The following ANKS1B variants were observed in gnomAD, a reference collection of about 807,000 sequenced individuals.
ANKS1B encodes the protein ankyrin repeat and sterile alpha motif domain containing 1B.
In ANKS1B, 36 loss-of-function variants were observed where a neutral mutation model predicts 148.3. The ratio of observed to expected loss-of-function variants is 0.24; its 90% confidence interval spans 0.19 to 0.32. The LOEUF is 0.32. Ranked by LOEUF, ANKS1B falls within the 10% of genes least tolerant of loss-of-function variation. ANKS1B has a pLI of 1.00. For missense variants in ANKS1B, 1,157 were observed against 1,542.6 expected (o/e 0.75, Z 4.19); for synonymous variants, 542 against 560.8 (o/e 0.97, Z 0.47).
At chr12:99,761,137 T>C (rs1332948684) in intron 8 of ANKS1B, among the ~76,000 whole-genome samples, 2 of 147,302 alleles carry the variant, frequency 1.4e-5, no homozygotes, top group East Asian at 3.9e-4. Flanking sequence ...AAAGAAGAGC[T>C]GGTATTAATT....
intron 14 of ANKS1B, among the ~76,000 whole-genome samples, chr12:99,236,101 A>G (rs1274578088): frequency 6.6e-6 from 1 of 152,228 alleles, no homozygotes; most frequent in African/African-American, 2.4e-5. Flanking sequence ...ATTCTGATGC[A>G]AGTGATTTGT....
intron 22 of ANKS1B, among the ~76,000 whole-genome samples, chr12:98,786,830 C>A (rs574728050): frequency 3.9e-5 from 6 of 152,276 alleles, no homozygotes; most frequent in African/African-American, 7.2e-5. Context: ...GGGGAGGACG[C>A]CACCAACCCT....
At chr12:99,849,003 C>CA (rs2087212735) in intron 1 of ANKS1B, among the ~76,000 whole-genome samples, 3 of 151,866 alleles carry the variant, frequency 2.0e-5, no homozygotes, top group Non-Finnish European at 1.5e-5. Context: ...GGTATACATG[C>CA]ACATAAAGAT....
Position 98,878,828 on chromosome 12 carries a change from T to G in ANKS1B, c.2779-46692A>C, listed in dbSNP as rs528986257. On this transcript the variant is annotated intron_variant, in intron 17 of 26. Coordinates refer to ENST00000683438, the MANE Select transcript of ANKS1B (RefSeq NM_001352186.2). ...GAGTGCCCCTTTGAGAGATAATGGT[T>G]CATATCAGGGAGCAATTTGCTTTCA... Among the ~76,000 whole-genome samples, 4 of 152,330 alleles carry G rather than the reference T, an allele frequency of 2.6e-5. No individual in the cohort carries two copies. In the East Asian group the frequency reaches 7.7e-4, roughly 29 times the overall value.
At chr12:99,245,646 C>T (rs900727990) in intron 13 of ANKS1B, among the ~76,000 whole-genome samples, 55 of 152,302 alleles carry the variant, frequency 3.6e-4, no homozygotes, top group African/African-American at 1.2e-3. Flanking sequence ...ACAGTCTTTT[C>T]AGAGACAATA....
intron 9 of ANKS1B, among the ~76,000 whole-genome samples, chr12:99,639,480 G>A (rs2098279352): frequency 6.6e-6 from 1 of 152,102 alleles, no homozygotes; most frequent in African/African-American, 2.4e-5. Flanking sequence ...ATATTTGGGA[G>A]GTACCAGGGG....
rs142071616 is a variant in ANKS1B, at chr12:99,660,032, C to T, written c.1129-4822G>A. ...CAGAGATGGCAATCAAAGCAAAAGG[C>T]AACAATCTGGAATGAGTTAGCAATC... On this transcript the variant is annotated intron_variant, in intron 8 of 26. Transcript: ENST00000683438. Among the ~76,000 whole-genome samples, 9 of 152,298 alleles carry T rather than the reference C, an allele frequency of 5.9e-5. No individual in the cohort carries two copies. In the East Asian group the frequency reaches 1.5e-3, roughly 26 times the overall value.
chr12:99,778,564 A>C lies in ANKS1B; in HGVS notation c.847+1307T>G, dbSNP rs185645729. Among the ~76,000 whole-genome samples, 186 of 152,198 alleles carry C rather than the reference A, an allele frequency of 1.2e-3. 1 individual carries two copies. The highest frequency in any genetic ancestry group is 4.4e-3 in the African/African-American group (184 of 41,566). On this transcript the variant is annotated intron_variant, in intron 6 of 26. Coordinates refer to ENST00000683438, the MANE Select transcript of ANKS1B (RefSeq NM_001352186.2). Reference sequence around the variant, plus strand: ...AGTCAAAAGTCCAACATGAAATACAAAGTGCATAGAGGGAGAAGACTAATA... The same window carrying C: ...AGTCAAAAGTCCAACATGAAATACACAGTGCATAGAGGGAGAAGACTAATA...
At chr12:99,000,021 C>T (rs1013698772) in intron 17 of ANKS1B, among the ~76,000 whole-genome samples, 1 of 151,946 alleles carries the variant, frequency 6.6e-6, no homozygotes, top group Non-Finnish European at 1.5e-5. Context: ...AGAATAAAGC[C>T]CAATCCCTCT....
At chr12:99,395,273 T>C (rs903981300) in intron 12 of ANKS1B, among the ~76,000 whole-genome samples, 1 of 152,178 alleles carries the variant, frequency 6.6e-6, no homozygotes, top group Non-Finnish European at 1.5e-5. Context: ...CATGTGACTT[T>C]TCTTCTGAAA....
Position 99,504,153 on chromosome 12 carries a change from G to T in ANKS1B, c.1438+323C>A, listed in dbSNP as rs569835705. Among the ~76,000 whole-genome samples the T allele has an allele frequency of 4.6e-5, 7 of 152,206 alleles. No individual in the cohort carries two copies. The East Asian group carries it at 1.4e-3, about 29-fold the overall frequency. ...GGCTACAGAAAATGATACAAAAATT[G>T]CTACCAATTGGCTGTGAACTCCTGA... On this transcript the variant is annotated intron_variant, in intron 10 of 26. Coordinates refer to ENST00000683438, the MANE Select transcript of ANKS1B (RefSeq NM_001352186.2).
At chr12:98,878,536 T>A (rs1439592176) in intron 17 of ANKS1B, among the ~76,000 whole-genome samples, 1 of 152,142 alleles carries the variant, frequency 6.6e-6, no homozygotes. Context: ...CTCTGTCTTG[T>A]TTGCTATTTT....
At chr12:99,393,028 C>T (rs1307229723) in intron 12 of ANKS1B, among the ~76,000 whole-genome samples, 1 of 152,094 alleles carries the variant, frequency 6.6e-6, no homozygotes, top group African/African-American at 2.4e-5. Flanking sequence ...CTTTTATTTT[C>T]TTATATCCTA....
intron 14 of ANKS1B, among the ~76,000 whole-genome samples, chr12:99,176,589 C>CTA (rs2078409381): frequency 6.6e-6 from 1 of 152,158 alleles, no homozygotes; most frequent in Admixed American, 6.5e-5. Flanking sequence ...GAATGTCAAA[C>CTA]TATATCATGT....
At chr12:99,605,044 T>C (rs928634014) in intron 9 of ANKS1B, among the ~76,000 whole-genome samples, 3 of 151,908 alleles carry the variant, frequency 2.0e-5, no homozygotes, top group African/African-American at 7.2e-5. Flanking sequence ...CAGACCAAAA[T>C]ACTCCAAGAA....
chr12:99,249,019 A>C (rs1248254370), intron 12 of ANKS1B, among the ~76,000 whole-genome samples: 2 of 152,176 alleles, frequency 1.3e-5, no homozygotes, highest in Admixed American at 1.3e-4. Flanking sequence ...AAGACCTGGC[A>C]TCTTGTTCCA....
intron 15 of ANKS1B, among the ~76,000 whole-genome samples, chr12:99,116,630 AT>A (rs1290689760): frequency 1.3e-5 from 2 of 152,190 alleles, no homozygotes; most frequent in African/African-American, 2.4e-5. Context: ...TTTAAAAAAA[AT>A]AAACATTTAA....
intron 12 of ANKS1B, among the ~76,000 whole-genome samples, chr12:99,299,893 T>C (rs1334468238): frequency 1.3e-5 from 2 of 152,202 alleles, no homozygotes; most frequent in Non-Finnish European, 2.9e-5. Context: ...AATGATTTAT[T>C]GCCTTTCCTG....
intron 17 of ANKS1B, among the ~76,000 whole-genome samples, chr12:98,907,612 T>C (rs920223016): frequency 6.6e-6 from 1 of 152,156 alleles, no homozygotes; most frequent in Non-Finnish European, 1.5e-5. Flanking sequence ...CTCATGGCTT[T>C]TTGGGGTAGG....
Sources: allele counts gnomAD v4.1 joint callset (sites outside exome capture counted in the v4.1 genomes callset), GRCh38; gene constraint gnomAD v4.1.1; transcripts MANE v1.5; gene names NCBI Gene and HGNC (gene_info 2026-07-23, HGNC 2026-07-21).